NCK2: variants seen among roughly 807,000 people sequenced by gnomAD.
The protein encoded by NCK2 is cytoplasmic protein NCK2.
Under a neutral mutation model 33.9 loss-of-function variants are expected in NCK2, and 16 were observed. That is an observed-to-expected ratio of 0.47 (90% CI 0.32 to 0.72). NCK2 has a LOEUF of 0.72. Among genes scored for constraint, NCK2 ranks in the 30% least tolerant of loss-of-function variants. The pLI, the probability that NCK2 is intolerant of heterozygous loss-of-function variation, is 0.03. For missense variants in NCK2, 418 were observed against 537.3 expected, an observed-to-expected ratio of 0.78 and a Z score of 2.19; for synonymous variants, 273 against 239.9, an observed-to-expected ratio of 1.14 and a Z score of -1.27.
rs776163110 is a variant in NCK2, at chr2:105,881,986, C to G, written c.885C>G (p.Ala295=). 5 of 1,512,836 alleles carry G rather than the reference C, an allele frequency of 3.3e-6. No individual in the cohort carries two copies. In the Admixed American group the frequency reaches 9.1e-5, roughly 27 times the overall value. The allele number at this position is 1,512,836 out of a possible 1,614,324, so 93.7% of individuals were successfully genotyped here. A position where few individuals can be genotyped will look rare whatever the true frequency, so the allele number is the denominator to read the frequency against. The part of the protein sequence containing the change: ...WYYGNVTRHQ[A]ECALNERGVE... The stretch of plus-strand genomic sequence containing the variant: ...ACGGGAACGTGACGCGGCACCAGGC[C>G]GAGTGCGCCCTCAACGAGCGGGGCG... The change falls in exon 4 of 5, where the codon GCC becomes GCG. Residue 295 remains alanine, a synonymous_variant. Transcript: ENST00000233154.
At chr2:105,884,334 A>G (rs977335154) in intron 4 of NCK2, among the ~76,000 whole-genome samples, 1 of 152,154 alleles carries the variant, frequency 6.6e-6, no homozygotes, top group Non-Finnish European at 1.5e-5. Flanking sequence ...CCACTAGGCC[A>G]CCAAGAGCCC....
intron 2 of NCK2, among the ~76,000 whole-genome samples, chr2:105,817,175 C>CAAA (rs10639030): frequency 0.013 from 1,707 of 135,940 alleles, 25 homozygotes; most frequent in Middle Eastern, 0.022. Flanking sequence ...GACTTGGTCT[C>CAAA]AAAAAAAAAA....
chr2:105,827,596 A>G (rs780325930), intron 2 of NCK2, among the ~76,000 whole-genome samples: 3 of 152,220 alleles, frequency 2.0e-5, no homozygotes, highest in Non-Finnish European at 4.4e-5. Flanking sequence ...ATGTTAGGGC[A>G]TGTCCTGGGC....
chr2:105,843,744 G>A (rs1676740388), intron 2 of NCK2, among the ~76,000 whole-genome samples: 1 of 152,182 alleles, frequency 6.6e-6, no homozygotes, highest in Non-Finnish European at 1.5e-5. Context: ...ATAAATGATG[G>A]AATACGTTAA....
intron 1 of NCK2, among the ~76,000 whole-genome samples, chr2:105,767,473 G>T (rs1689987229): frequency 6.6e-6 from 1 of 152,300 alleles, no homozygotes; most frequent in African/African-American, 2.4e-5. Flanking sequence ...ACTCTTTGTG[G>T]TTACAGTAGA....
chr2:105,848,994 CATGTGCACAT>C (rs1676957716), intron 2 of NCK2, among the ~76,000 whole-genome samples: 2 of 152,174 alleles, frequency 1.3e-5, no homozygotes, highest in South Asian at 2.1e-4. Context: ...GGTATGCACA[CATGTGCACAT>C]ATGTATTTTT....
At chr2:105,756,212 T>C (rs766192439) in intron 1 of NCK2, among the ~76,000 whole-genome samples, 57 of 152,232 alleles carry the variant, frequency 3.7e-4, no homozygotes, top group Non-Finnish European at 5.9e-5. Flanking sequence ...TCCTGTTCCA[T>C]TATTCTTCCT....
At chr2:105,876,538 TC>T (rs1317142864) in intron 3 of NCK2, among the ~76,000 whole-genome samples, 1 of 152,214 alleles carries the variant, frequency 6.6e-6, no homozygotes, top group Non-Finnish European at 1.5e-5. Flanking sequence ...GATGGGGGCT[TC>T]CAGTCTGCCA....
At chr2:105,785,962 T>C (rs1250841749) in intron 1 of NCK2, among the ~76,000 whole-genome samples, 1 of 152,220 alleles carries the variant, frequency 6.6e-6, no homozygotes, top group Non-Finnish European at 1.5e-5. Flanking sequence ...CTGGACTTAA[T>C]ACCTTTTGCC....
intron 1 of NCK2, among the ~76,000 whole-genome samples, chr2:105,782,025 C>T (rs186745415): frequency 6.6e-5 from 10 of 152,308 alleles, no homozygotes; most frequent in Admixed American, 6.5e-4. Context: ...CCATCAGGTC[C>T]CTCAAGCTGA....
At position 105,893,208 on chromosome 2, in the gene NCK2, C is replaced by T. The variant is rs771841995; in HGVS notation, c.*32C>T. On this transcript the variant is annotated 3_prime_UTR_variant, in exon 5 of 5. Coordinates refer to ENST00000233154, the MANE Select transcript of NCK2 (RefSeq NM_003581.5). The stretch of plus-strand genomic sequence containing the variant: ...CCCGGCCCCACACTCGCCTCCCGGG[C>T]CCCACGGTGGAGCTGCCCGCCCGGC... 176 of 1,542,430 alleles carry T rather than the reference C, an allele frequency of 1.1e-4. No homozygotes were observed. The highest frequency in any genetic ancestry group is 1.5e-4 in the Non-Finnish European group (172 of 1,142,510).
rs74815308 is a variant in NCK2, at chr2:105,868,247, A to G, written c.226+12958A>G. ...GCCCAGAAGTCTGTCCCTATGATCAACTCCTCCAGGCTGATGTGGGTTTTT... is the reference window on the plus strand; with the variant it reads ...GCCCAGAAGTCTGTCCCTATGATCAGCTCCTCCAGGCTGATGTGGGTTTTT... On this transcript the variant is annotated intron_variant, in intron 3 of 4. Coordinates refer to ENST00000233154, the MANE Select transcript of NCK2 (RefSeq NM_003581.5). Among the ~76,000 whole-genome samples the G allele has an allele frequency of 4.3e-3, 647 of 151,520 alleles. 3 individuals are homozygous for G. The highest frequency in any genetic ancestry group is 0.014 in the African/African-American group (588 of 41,272).
intron 1 of NCK2, among the ~76,000 whole-genome samples, chr2:105,762,299 G>C (rs781276491): frequency 3.3e-5 from 5 of 152,174 alleles, no homozygotes; most frequent in Non-Finnish European, 5.9e-5. Flanking sequence ...CAAACCAGGG[G>C]GGGTCTAGGT....
At chr2:105,805,177 C>CAT (rs1305044194) in intron 1 of NCK2, among the ~76,000 whole-genome samples, 1 of 152,132 alleles carries the variant, frequency 6.6e-6, no homozygotes, top group East Asian at 1.9e-4. Flanking sequence ...TAGAAGAGAG[C>CAT]ACGTTTGAGT....
chr2:105,833,047 A>C (rs1418253450), intron 2 of NCK2, among the ~76,000 whole-genome samples: 1 of 132,600 alleles, frequency 7.5e-6, no homozygotes, highest in Non-Finnish European at 1.6e-5. Flanking sequence ...GCTCATTATT[A>C]GTTTGTTCAG....
chr2:105,784,939 T>G (rs1253943266), intron 1 of NCK2, among the ~76,000 whole-genome samples: 1 of 152,196 alleles, frequency 6.6e-6, no homozygotes, highest in African/African-American at 2.4e-5. Flanking sequence ...TAGTTGTTTT[T>G]TATGTGTTTT....
chr2:105,871,108 C>A (rs148322287), intron 3 of NCK2, among the ~76,000 whole-genome samples: 1 of 151,968 alleles, frequency 6.6e-6, no homozygotes, highest in African/African-American at 2.4e-5. Context: ...CGTGTGAAAT[C>A]GGGGTGATGA....
chr2:105,889,509 T>C (rs530287070), intron 4 of NCK2, among the ~76,000 whole-genome samples: 1 of 151,904 alleles, frequency 6.6e-6, no homozygotes, highest in South Asian at 2.1e-4. Context: ...CACAGATGGC[T>C]GGGCTCCACC....
At chr2:105,761,183 A>G (rs2104354262) in intron 1 of NCK2, among the ~76,000 whole-genome samples, 1 of 152,138 alleles carries the variant, frequency 6.6e-6, no homozygotes, top group African/African-American at 2.4e-5. Flanking sequence ...GTTGTGCCCT[A>G]CCCGGGTGCT....
Sources: gnomAD v4.1 joint callset for allele counts (sites outside exome capture counted in the v4.1 genomes callset) on GRCh38, gnomAD v4.1.1 for gene constraint, MANE v1.5 for transcripts, NCBI Gene and HGNC (gene_info 2026-07-23, HGNC 2026-07-21) for gene names.